Variants in ADARB1 observed in about 807,000 individuals in gnomAD.
The protein encoded by ADARB1 is adenosine deaminase RNA specific B1, also known as double-stranded RNA-specific editase 1.
Under a neutral mutation model 52.4 loss-of-function variants are expected in ADARB1, and 10 were observed. The observed-to-expected ratio is 0.19, with a 90% confidence interval of 0.12 to 0.32. The LOEUF is 0.32. Ranked by LOEUF, ADARB1 falls within the 10% of genes least tolerant of loss-of-function variation. The pLI, the probability that ADARB1 is intolerant of heterozygous loss-of-function variation, is 1.00. For missense variants in ADARB1, 643 were observed against 922.3 expected (o/e 0.70, Z 3.92); for synonymous variants, 349 against 371.1 (o/e 0.94, Z 0.68).
At chr21:45,100,966 C>T (rs1569007603) in intron 1 of ADARB1, 1 of 152,778 alleles carries the variant, frequency 6.5e-6, no homozygotes, top group African/African-American at 2.4e-5. Flanking sequence ...GCGCGGTGGT[C>T]TCGGGCTCTG....
intron 1 of ADARB1, among the ~76,000 whole-genome samples, chr21:45,113,029 T>C (rs1450672327): frequency 6.6e-6 from 1 of 152,112 alleles, no homozygotes; most frequent in Admixed American, 6.5e-5. Flanking sequence ...CTAAACTTAG[T>C]TGAGTTTTAT....
intron 9 of ADARB1, among the ~76,000 whole-genome samples, chr21:45,217,865 T>C (rs1602055265): frequency 6.6e-6 from 1 of 152,230 alleles, no homozygotes; most frequent in African/African-American, 2.4e-5. Flanking sequence ...TTTTTCTCCT[T>C]TAAGCACTTT....
rs952061023 is a variant in ADARB1 at position 45,208,500 on chromosome 21, C to T, written c.1747+3764C>T. Among the ~76,000 whole-genome samples, 2 of 152,198 alleles carry T rather than the reference C, an allele frequency of 1.3e-5. No homozygotes were observed. Among genetic ancestry groups the T allele is most frequent in the African/African-American group, 2.4e-5 (1 of 41,458 alleles). ...GGCAGGTGCCTGCTGAGCTGCTATC[C>T]ACCCGAGACCATTTGACATTATGGG... On this transcript the variant is annotated intron_variant, in intron 9 of 10. Transcript: ENST00000348831. The surrounding 1 kb of genome is among the most constrained non-coding windows in gnomAD (Gnocchi z 5.6).
At chr21:45,211,770 G>T (rs190642934) in intron 9 of ADARB1, among the ~76,000 whole-genome samples, 1 of 152,134 alleles carries the variant, frequency 6.6e-6, no homozygotes, top group East Asian at 1.9e-4. Flanking sequence ...TGCTTTTATT[G>T]GTTTCTGTAC....
intron 8 of ADARB1, among the ~76,000 whole-genome samples, chr21:45,194,245 A>G (rs145066190): frequency 7.7e-4 from 117 of 152,010 alleles, no homozygotes; most frequent in African/African-American, 2.7e-3. Flanking sequence ...AGCATCTCCC[A>G]CTCTAGTGCT....
chr21:45,159,298 G>A (rs930809145), intron 2 of ADARB1, among the ~76,000 whole-genome samples: 1 of 152,140 alleles, frequency 6.6e-6, no homozygotes, highest in African/African-American at 2.4e-5. Flanking sequence ...CAGATCTCAT[G>A]AGACTTCTTC....
intron 1 of ADARB1, among the ~76,000 whole-genome samples, chr21:45,113,497 A>ATGTG (rs35666010): frequency 1.7e-3 from 245 of 146,390 alleles, no homozygotes; most frequent in East Asian, 5.0e-3. Flanking sequence ...GTGTGTATAT[A>ATGTG]TGTGTGTGTG....
chr21:45,164,495 G>A (rs2091155124), intron 2 of ADARB1, among the ~76,000 whole-genome samples: 1 of 143,204 alleles, frequency 7.0e-6, no homozygotes, highest in Non-Finnish European at 1.5e-5. Flanking sequence ...CACAAACAGG[G>A]AGACAAATTG....
chr21:45,206,106 G>A (rs1389233224), intron 9 of ADARB1, among the ~76,000 whole-genome samples: 3 of 152,230 alleles, frequency 2.0e-5, no homozygotes, highest in Non-Finnish European at 4.4e-5. Context: ...GTCTTTTGAA[G>A]TATTTTGTTG....
At chr21:45,122,894 C>A (rs150853670) in intron 1 of ADARB1, among the ~76,000 whole-genome samples, 1 of 152,300 alleles carries the variant, frequency 6.6e-6, no homozygotes, top group African/African-American at 2.4e-5. Flanking sequence ...AATCTCATAG[C>A]TCTTCTGCAC....
chr21:45,083,890 G>A (rs1310087202), intron 1 of ADARB1, among the ~76,000 whole-genome samples: 1 of 152,086 alleles, frequency 6.6e-6, no homozygotes, highest in African/African-American at 2.4e-5. Context: ...TTGTAGAGAC[G>A]GGGTTTTACC....
At chr21:45,197,132 T>A (rs1181512145) in intron 8 of ADARB1, among the ~76,000 whole-genome samples, 2 of 152,094 alleles carry the variant, frequency 1.3e-5, no homozygotes, top group Non-Finnish European at 2.9e-5. Flanking sequence ...GAGCTGAGAT[T>A]GCGCCACTGC....
intron 2 of ADARB1, among the ~76,000 whole-genome samples, chr21:45,158,570 T>C (rs2090791459): frequency 6.6e-6 from 1 of 152,144 alleles, no homozygotes; most frequent in Non-Finnish European, 1.5e-5. Flanking sequence ...CTTGGGGATT[T>C]GGGGAGGGAC....
At chr21:45,124,204 A>G (rs1306183439) in intron 1 of ADARB1, among the ~76,000 whole-genome samples, 1 of 152,214 alleles carries the variant, frequency 6.6e-6, no homozygotes, top group Admixed American at 6.5e-5. Context: ...CTGTATTTGT[A>G]AGATTGACTT....
chr21:45,101,477 T>C (rs904886217), intron 1 of ADARB1, among the ~76,000 whole-genome samples: 1 of 152,254 alleles, frequency 6.6e-6, no homozygotes, highest in Non-Finnish European at 1.5e-5. Flanking sequence ...GTTTTTGTTT[T>C]AGAGGCTTTG....
intron 3 of ADARB1, 160 bp downstream of exon 3, chr21:45,171,844 T>C: frequency 3.1e-6 from 2 of 639,566 alleles, no homozygotes; most frequent in South Asian, 2.1e-5. Context: ...GTGTGTTCTC[T>C]GCAACAGGTG....
chr21:45,121,233 A>G (rs76905318), intron 1 of ADARB1, among the ~76,000 whole-genome samples: 2 of 152,082 alleles, frequency 1.3e-5, no homozygotes, highest in Non-Finnish European at 2.9e-5. Context: ...GCTTCCTTTT[A>G]TAGCCACTCT....
intron 1 of ADARB1, among the ~76,000 whole-genome samples, chr21:45,084,702 G>A (rs1444557411): frequency 6.6e-6 from 1 of 152,180 alleles, no homozygotes; most frequent in East Asian, 1.9e-4. Flanking sequence ...GTTAGAAGTG[G>A]AGGTCTTTAA....
At chr21:45,174,560 G>A (rs376113694) in intron 3 of ADARB1, among the ~76,000 whole-genome samples, 9 of 152,076 alleles carry the variant, frequency 5.9e-5, no homozygotes, top group East Asian at 1.9e-4. Flanking sequence ...AAAATTAGCC[G>A]GGCATGGTAG....
Sources: gnomAD v4.1 joint callset for allele counts (sites outside exome capture counted in the v4.1 genomes callset) on GRCh38, gnomAD v4.1.1 for gene constraint, Gnocchi (gnomAD v3.1) non-coding constraint, MANE v1.5 for transcripts, NCBI Gene and HGNC (gene_info 2026-07-23, HGNC 2026-07-21) for gene names.